PPFIA1: variants seen among roughly 807,000 people sequenced by gnomAD.
PPFIA1 encodes PPFI scaffold protein A1, also known as liprin-alpha-1.
PPFIA1 carries 25 observed loss-of-function variants against 149.9 expected under a neutral mutation model. The ratio of observed to expected loss-of-function variants is 0.17; its 90% CI spans 0.12 to 0.23. The LOEUF (loss-of-function observed/expected upper bound fraction) is 0.23. PPFIA1 is among the 10% of genes least tolerant of loss of function. PPFIA1 has a pLI of 1.00. For synonymous variants in PPFIA1, 549 were observed against 552.8 expected (o/e 0.99, Z 0.10); for missense variants, 1,362 against 1,506.5 (o/e 0.90, Z 1.59).
intron 21 of PPFIA1, chr11:70,367,503 T>C (rs981827511): frequency 6.6e-6 from 3 of 455,984 alleles, no homozygotes; most frequent in Non-Finnish European, 8.8e-6. Context: ...GTTGTACTTG[T>C]GGCTGTTTCA....
chr11:70,283,761 G>T (rs1298768499), intron 2 of PPFIA1, among the ~76,000 whole-genome samples: 1 of 151,344 alleles, frequency 6.6e-6, no homozygotes, highest in Non-Finnish European at 1.5e-5. Flanking sequence ...GGTCAAGCTT[G>T]CGGGGAGAAG....
At chr11:70,300,165 A>G (rs982615871) in intron 2 of PPFIA1, among the ~76,000 whole-genome samples, 2 of 143,084 alleles carry the variant, frequency 1.4e-5, no homozygotes, top group African/African-American at 5.3e-5. Flanking sequence ...GCCCCTTCCC[A>G]TAGGCCTGGA....
chr11:70,326,362 A>G lies in PPFIA1; in HGVS notation c.707A>G (p.Lys236Arg). Residue 236 changes from lysine (K) to arginine (R), a missense_variant and splice_region_variant, in exon 6 of 28, where the codon AAG (lysine) becomes AGG (arginine). By Grantham distance (26) the Lys-to-Arg change is conservative. Coordinates refer to ENST00000253925, the MANE Select transcript of PPFIA1 (RefSeq NM_003626.5). ...GAAAATACACCAAGCACGAGTGGAA[A>G]GGCAAGTCTGTAGGCTTTGTCTTTA... is the stretch of plus-strand genomic sequence containing the variant. The part of the protein sequence containing the change: ...EQENTPSTSG[K>R]RSSDGSLSHE... 1 of 1,586,586 alleles carries G rather than the reference A, an allele frequency of 6.3e-7. No homozygotes were observed. Among genetic ancestry groups the G allele is most frequent in the East Asian group, 2.2e-5 (1 of 44,530 alleles).
At chr11:70,377,704 A>G (rs1291862947) in intron 25 of PPFIA1, among the ~76,000 whole-genome samples, 1 of 152,226 alleles carries the variant, frequency 6.6e-6, no homozygotes, top group Non-Finnish European at 1.5e-5. Flanking sequence ...TATTTTTAAG[A>G]TAAATAAAAA....
At position 70,337,351 on chromosome 11, in the gene PPFIA1, C is replaced by T. The variant is rs2055045630; in HGVS notation, c.1429-14C>T. 6.4e-7 allele frequency: 1 copy of T among 1,561,066 alleles called. No individual in the cohort carries two copies. The highest frequency in any genetic ancestry group is 2.3e-5 in the East Asian group (1 of 43,842). On this transcript the variant is annotated splice_polypyrimidine_tract_variant and intron_variant, in intron 11 of 27. Coordinates refer to ENST00000253925, the MANE Select transcript of PPFIA1 (RefSeq NM_003626.5). Reference sequence around the variant, plus strand: ...TTTTAAAGAAACACTAAAGGACTATCTGTCTTTTTTCAGAACTCTCTTTTA... The same window carrying T: ...TTTTAAAGAAACACTAAAGGACTATTTGTCTTTTTTCAGAACTCTCTTTTA...
intron 1 of PPFIA1, 161 bp downstream of exon 1, chr11:70,271,075 T>G (rs2050041618): frequency 1.3e-5 from 2 of 151,560 alleles, no homozygotes; most frequent in Non-Finnish European, 2.9e-5. Flanking sequence ...CTGGGAGAGC[T>G]CCGGCGGGAC....
intron 3 of PPFIA1, 70 bp from the exon 4 acceptor site, chr11:70,324,777 T>C (rs1347461873): frequency 2.2e-6 from 3 of 1,386,182 alleles, no homozygotes; most frequent in Non-Finnish European, 2.9e-6. Flanking sequence ...AAAGGAGTTA[T>C]TTGCCCCAGA....
chr11:70,339,441 T>C, intron 14 of PPFIA1, 135 bp downstream of exon 14: 4 of 1,112,788 alleles, frequency 3.6e-6, no homozygotes, highest in Middle Eastern at 2.1e-4. Context: ...ATTTTCTGAC[T>C]AAGAGTTTAG....
intron 8 of PPFIA1, among the ~76,000 whole-genome samples, chr11:70,331,550 C>T (rs113499346): frequency 0.14 from 21,321 of 152,076 alleles, 1,677 homozygotes; most frequent in African/African-American, 0.19. Context: ...GAGGCTGAGG[C>T]GGGTGGATCA....
intron 2 of PPFIA1, among the ~76,000 whole-genome samples, chr11:70,294,193 C>T (rs1435177430): frequency 5.9e-5 from 9 of 152,092 alleles, no homozygotes; most frequent in African/African-American, 1.4e-4. Flanking sequence ...CCTTCTACCT[C>T]GGCCTCCCAA....
At chr11:70,346,954 G>A (rs4980782) in intron 15 of PPFIA1, among the ~76,000 whole-genome samples, 36,258 of 152,030 alleles carry the variant, frequency 0.24, 4,539 homozygotes, top group South Asian at 0.26. Flanking sequence ...AGAGAGGAGC[G>A]TTAATCTTGA....
intron 2 of PPFIA1, among the ~76,000 whole-genome samples, chr11:70,293,812 T>A (rs2051699579): frequency 6.6e-6 from 1 of 152,182 alleles, no homozygotes. Flanking sequence ...ACCCTCAGCC[T>A]CTGCTTTACC....
At chr11:70,288,232 C>T (rs891500617) in intron 2 of PPFIA1, among the ~76,000 whole-genome samples, 63 of 152,010 alleles carry the variant, frequency 4.1e-4, no homozygotes, top group African/African-American at 1.7e-4. Context: ...CCACCATGCC[C>T]GGCTAATTTT....
chr11:70,347,251 G>A (rs1024943098), intron 15 of PPFIA1, among the ~76,000 whole-genome samples: 1 of 152,250 alleles, frequency 6.6e-6, no homozygotes, highest in African/African-American at 2.4e-5. Context: ...ATATCACTTA[G>A]TAAGGAAATT....
Position 70,337,371 on chromosome 11 carries a change from C to T in PPFIA1, c.1435C>T (p.Leu479Phe). ...ACTATCTGTCTTTTTTCAGAACTCT[C>T]TTTTAAGAGAAGTTGAAAGTGCAAA... The part of the protein sequence containing the change: ...RMAALEDKNS[L>F]LREVESAKKQ... Residue 479 changes from leucine to phenylalanine, a missense_variant, in exon 12 of 28, where the codon CTT becomes TTT. Leu to Phe is a conservative substitution (Grantham distance 22). This residue lies in a region of PPFIA1 where 733 missense variants were observed against 744.1 expected (regional missense o/e 0.99). Transcript: ENST00000253925. 6.3e-7 allele frequency: 1 copy of T among 1,590,972 alleles called. No individual in the cohort carries two copies. Among genetic ancestry groups the T allele is most frequent in the Non-Finnish European group, 8.6e-7 (1 of 1,166,076 alleles).
At chr11:70,279,004 A>C in intron 2 of PPFIA1, 1 of 549,604 alleles carries the variant, frequency 1.8e-6, no homozygotes, top group South Asian at 1.8e-5. Flanking sequence ...TTGAAGAGAG[A>C]GCCCAATTCT....
intron 2 of PPFIA1, among the ~76,000 whole-genome samples, chr11:70,309,746 A>G (rs768307178): frequency 5.3e-5 from 8 of 152,320 alleles, no homozygotes; most frequent in Admixed American, 2.0e-4. Context: ...GAAGCCAGGC[A>G]CAAAAAGCCA....
intron 13 of PPFIA1, among the ~76,000 whole-genome samples, chr11:70,338,844 A>G (rs992062403): frequency 1.3e-5 from 2 of 152,160 alleles, no homozygotes; most frequent in Non-Finnish European, 2.9e-5. Context: ...CAGCCCTGGG[A>G]AAGTGGAGCA....
intron 2 of PPFIA1, among the ~76,000 whole-genome samples, chr11:70,293,198 C>G (rs984517404): frequency 6.6e-6 from 1 of 152,234 alleles, no homozygotes; most frequent in African/African-American, 2.4e-5. Context: ...TTCAGTGGCT[C>G]ATCTAATTCT....
Sources: gnomAD v4.1 joint callset for allele counts (sites outside exome capture counted in the v4.1 genomes callset) on GRCh38, gnomAD v4.1.1 for gene constraint, gnomAD v4.1.1 regional missense constraint, MANE v1.5 for transcripts, NCBI Gene and HGNC (gene_info 2026-07-23, HGNC 2026-07-21) for gene names.